Variants in EIF4G3 observed in about 807,000 individuals in gnomAD.
The protein encoded by EIF4G3 is eukaryotic translation initiation factor 4 gamma 3, also known as eIF-4-gamma 3.
EIF4G3 carries 34 observed loss-of-function variants against 186.4 expected under a neutral mutation model. The ratio of observed to expected loss-of-function variants is 0.18; its 90% CI spans 0.14 to 0.24. EIF4G3 has a LOEUF of 0.24. Ranked by LOEUF, EIF4G3 falls within the 10% of genes least tolerant of loss-of-function variation. The pLI is 1.00. For missense variants in EIF4G3, 1,536 were observed against 1,948.5 expected (o/e 0.79, Z 3.99); for synonymous variants, 673 against 679.5 (o/e 0.99, Z 0.15).
Position 20,860,526 on chromosome 1 carries a change from G to A in EIF4G3, c.3112-9C>T. On this transcript the variant is annotated splice_polypyrimidine_tract_variant and intron_variant, in intron 23 of 36. Coordinates refer to ENST00000602326, the MANE Select transcript of EIF4G3 (RefSeq NM_001391906.1). ...CGAGATACCCAATTGCACTATAAAA[G>A]CAGAAAATAAGGTTATCTGCCAGAT... 5.0e-6 allele frequency: 8 copies of A among 1,609,938 alleles called. No homozygotes were observed. The highest frequency in any genetic ancestry group is 6.8e-6 in the Non-Finnish European group (8 of 1,178,844).
chr1:20,890,851 G>T lies in EIF4G3; in HGVS notation c.2253+2666C>A, dbSNP rs1254157504. Among the ~76,000 whole-genome samples, 16 of 152,346 alleles carry T rather than the reference G, an allele frequency of 1.1e-4. No homozygotes were observed. The East Asian group carries it at 2.9e-3, about 27-fold the overall frequency. On this transcript the variant is annotated intron_variant, in intron 18 of 36. Coordinates refer to ENST00000602326, the MANE Select transcript of EIF4G3 (RefSeq NM_001391906.1). ...AGGTAAGCTGGGCAAATTAAGTGGA[G>T]AATGTCTGTTATCTAGGAGATAGGC...
chr1:20,905,844 A>G (rs1429427176), intron 14 of EIF4G3, among the ~76,000 whole-genome samples: 2 of 152,184 alleles, frequency 1.3e-5, no homozygotes, highest in African/African-American at 4.8e-5. Context: ...AATAGGGAAC[A>G]TTACCAAAAG....
intron 5 of EIF4G3, among the ~76,000 whole-genome samples, chr1:21,001,833 G>T (rs1020877991): frequency 1.3e-5 from 2 of 152,182 alleles, no homozygotes; most frequent in Admixed American, 6.5e-5. Flanking sequence ...TTAAACAATT[G>T]TAAGTTCATG....
intron 14 of EIF4G3, among the ~76,000 whole-genome samples, chr1:20,923,529 A>T (rs1052836729): frequency 6.6e-6 from 1 of 152,184 alleles, no homozygotes; most frequent in Non-Finnish European, 1.5e-5. Context: ...ACAAATATGT[A>T]ATTTAATTAG....
At chr1:21,029,436 C>T (rs1196420116) in intron 4 of EIF4G3, among the ~76,000 whole-genome samples, 4 of 150,074 alleles carry the variant, frequency 2.7e-5, no homozygotes, top group African/African-American at 9.9e-5. Context: ...GATTCAGGGA[C>T]GAGAACTGGG....
At chr1:21,069,523 A>G (rs780136328) in intron 3 of EIF4G3, among the ~76,000 whole-genome samples, 2 of 152,178 alleles carry the variant, frequency 1.3e-5, no homozygotes, top group Non-Finnish European at 2.9e-5. Flanking sequence ...CATTCAATAT[A>G]TGTTTTCTAA....
chr1:20,978,450 T>C (rs1023639129), intron 10 of EIF4G3, among the ~76,000 whole-genome samples: 3 of 152,200 alleles, frequency 2.0e-5, no homozygotes, highest in Non-Finnish European at 2.9e-5. Flanking sequence ...TAATCCCTTT[T>C]CTGCAATTTC....
intron 3 of EIF4G3, among the ~76,000 whole-genome samples, chr1:21,064,198 C>T (rs964066780): frequency 3.9e-5 from 6 of 151,912 alleles, no homozygotes; most frequent in Non-Finnish European, 5.9e-5. Flanking sequence ...ATCCTTTGTG[C>T]CCTGCAGCCA....
intron 2 of EIF4G3, among the ~76,000 whole-genome samples, chr1:21,113,989 CAG>C (rs2096773187): frequency 6.6e-6 from 1 of 152,132 alleles, no homozygotes; most frequent in South Asian, 2.1e-4. Context: ...ACACTCCAGC[CAG>C]AGTGATACAG....
chr1:20,807,145 C>T lies in EIF4G3; in HGVS notation c.*174G>A. 2.1e-6 allele frequency: 1 copy of T among 471,620 alleles called. No homozygotes were observed. The highest frequency in any genetic ancestry group is 3.3e-5 in the East Asian group (1 of 29,960). The allele number at this position is 471,620 out of a possible 1,614,324, so 29.2% of individuals were successfully genotyped here. A position where few individuals can be genotyped will look rare whatever the true frequency, so the allele number is the denominator to read the frequency against. ...CCTAAGGTTTGAAGTTTACTTTTATCCAGTACCTTTTTCCTCCATGATCAC... is the reference window on the plus strand; with the variant it reads ...CCTAAGGTTTGAAGTTTACTTTTATTCAGTACCTTTTTCCTCCATGATCAC... On this transcript the variant is annotated 3_prime_UTR_variant, in exon 37 of 37. Transcript: ENST00000602326.
At chr1:20,819,887 A>C (rs1346975193) in intron 33 of EIF4G3, among the ~76,000 whole-genome samples, 2 of 152,116 alleles carry the variant, frequency 1.3e-5, no homozygotes, top group Non-Finnish European at 2.9e-5. Context: ...GTGGAGAAGG[A>C]GGAAAGAGGA....
intron 16 of EIF4G3, among the ~76,000 whole-genome samples, chr1:20,897,698 C>T (rs2088773230): frequency 6.6e-6 from 1 of 151,912 alleles, no homozygotes; most frequent in Non-Finnish European, 1.5e-5. Context: ...ATCTTTATTA[C>T]CCTATTATAT....
At position 20,886,144 on chromosome 1, in the gene EIF4G3, G is replaced by A. The variant is rs1321046044; in HGVS notation, c.2424+57C>T. The stretch of plus-strand genomic sequence containing the variant: ...TAGAAACATTAGCAAAGCAAAATAA[G>A]TTAAAACAAAATCAATATAATTTCA... On this transcript the variant is annotated intron_variant, in intron 19 of 36. Coordinates refer to ENST00000602326, the MANE Select transcript of EIF4G3 (RefSeq NM_001391906.1). 3 of 1,539,716 alleles carry A rather than the reference G, an allele frequency of 1.9e-6. No homozygotes were observed. The African/African-American group carries it at 4.2e-5, about 21-fold the overall frequency.
intron 12 of EIF4G3, among the ~76,000 whole-genome samples, chr1:20,950,601 C>T (rs1017697625): frequency 3.3e-5 from 5 of 152,134 alleles, no homozygotes; most frequent in African/African-American, 1.2e-4. Flanking sequence ...ATGATTCCTG[C>T]TACTTATCCA....
intron 2 of EIF4G3, among the ~76,000 whole-genome samples, chr1:21,133,515 G>A (rs766477029): frequency 1.3e-5 from 2 of 152,046 alleles, no homozygotes; most frequent in South Asian, 2.1e-4. Context: ...ATGAGCCACC[G>A]CGCCCAGCCT....
At chr1:20,987,750 T>C (rs965837694) in intron 7 of EIF4G3, among the ~76,000 whole-genome samples, 2 of 152,156 alleles carry the variant, frequency 1.3e-5, no homozygotes, top group Non-Finnish European at 2.9e-5. Flanking sequence ...CACAATAATA[T>C]TGAAGTTAGG....
chr1:21,171,170 G>A (rs984373327), intron 2 of EIF4G3, among the ~76,000 whole-genome samples: 3 of 152,276 alleles, frequency 2.0e-5, no homozygotes, highest in African/African-American at 4.8e-5. Flanking sequence ...TATCTCATCC[G>A]TGTAAGTCTC....
At chr1:20,820,902 G>C (rs2154546034) in intron 33 of EIF4G3, among the ~76,000 whole-genome samples, 1 of 152,134 alleles carries the variant, frequency 6.6e-6, no homozygotes, top group East Asian at 1.9e-4. Context: ...ATCCTCTCCA[G>C]AGCCTCCTCT....
intron 2 of EIF4G3, among the ~76,000 whole-genome samples, chr1:21,149,200 GTATA>G (rs2097509644): frequency 6.6e-6 from 1 of 152,066 alleles, no homozygotes; most frequent in African/African-American, 2.4e-5. Flanking sequence ...AAATGTGTAT[GTATA>G]TATATAAACA....
Sources: gnomAD v4.1 joint callset for allele counts (sites outside exome capture counted in the v4.1 genomes callset) on GRCh38, gnomAD v4.1.1 for gene constraint, MANE v1.5 for transcripts, NCBI Gene and HGNC (gene_info 2026-07-23, HGNC 2026-07-21) for gene names.